SIPA1L3: variants seen among roughly 807,000 people sequenced by gnomAD.
SIPA1L3 encodes the protein signal-induced proliferation-associated 1-like protein 3.
A neutral mutation model predicts 150.1 loss-of-function variants in SIPA1L3; 59 were observed. That is an observed-to-expected ratio of 0.39 (90% confidence interval 0.32 to 0.49). SIPA1L3 has a LOEUF of 0.49. Among genes scored for constraint, SIPA1L3 ranks in the 20% least tolerant of loss-of-function variants. The probability of loss-of-function intolerance (pLI) is 0.86; values close to 1 mark genes in which losing one functional copy is unlikely to be tolerated. For missense variants in SIPA1L3, 2,211 were observed against 2,489.5 expected (o/e 0.89, Z 2.38); for synonymous variants, 1,070 against 1,077.6 (o/e 0.99, Z 0.14).
rs544114605 is a variant in SIPA1L3 at position 38,085,565 on chromosome 19, A to T, written c.1534+2466A>T. Among the ~76,000 whole-genome samples, 9 of 152,260 alleles carry T rather than the reference A, an allele frequency of 5.9e-5. No homozygotes were observed. The South Asian group carries it at 1.9e-3, about 32-fold the overall frequency. On this transcript the variant is annotated intron_variant, in intron 3 of 21. Coordinates refer to ENST00000222345, the MANE Select transcript of SIPA1L3 (RefSeq NM_015073.3). ...GCAATGTCAGTATCACATGAAATAGATGTAAAGGTTGAAAGCACCTTTTAG... is the reference window on the plus strand; with the variant it reads ...GCAATGTCAGTATCACATGAAATAGTTGTAAAGGTTGAAAGCACCTTTTAG...
At chr19:38,095,222 A>G (rs1310613642) in intron 4 of SIPA1L3, among the ~76,000 whole-genome samples, 3 of 152,224 alleles carry the variant, frequency 2.0e-5, no homozygotes, top group Non-Finnish European at 2.9e-5. Flanking sequence ...ATACAGCACT[A>G]AGCATTATGC....
At position 38,137,289 on chromosome 19, in the gene SIPA1L3, A is replaced by G. The variant is rs371888319; in HGVS notation, c.3144-3895A>G. On this transcript the variant is annotated intron_variant, in intron 10 of 21. Transcript: ENST00000222345. ...CTGCAACCTCCGCTTCCCAGGTTCA[A>G]GCGATCCTCCTGCCTCAACCCCCCT... Among the ~76,000 whole-genome samples, 6 of 152,154 alleles carry G rather than the reference A, an allele frequency of 3.9e-5. No homozygotes were observed. In the South Asian group the frequency reaches 8.3e-4, roughly 21 times the overall value.
chr19:38,155,691 C>A (rs917113800), intron 13 of SIPA1L3, among the ~76,000 whole-genome samples: 1 of 152,122 alleles, frequency 6.6e-6, no homozygotes, highest in Non-Finnish European at 1.5e-5. Context: ...GGAGAGCTGA[C>A]CCCATCAGCA....
chr19:38,183,211 G>A (rs1399975253), intron 16 of SIPA1L3, among the ~76,000 whole-genome samples: 2 of 152,146 alleles, frequency 1.3e-5, no homozygotes, highest in African/African-American at 4.8e-5. Context: ...TGACTGAGAT[G>A]GAGCCACGGG....
At chr19:37,984,306 C>G (rs559810140) in intron 1 of SIPA1L3, among the ~76,000 whole-genome samples, 1 of 151,828 alleles carries the variant, frequency 6.6e-6, no homozygotes, top group Non-Finnish European at 1.5e-5. Flanking sequence ...AGTAACAAAA[C>G]GGGTGGAGTG....
chr19:38,149,035 G>A (rs972283135), intron 12 of SIPA1L3, among the ~76,000 whole-genome samples: 3 of 152,160 alleles, frequency 2.0e-5, no homozygotes, highest in Non-Finnish European at 2.9e-5. Flanking sequence ...TCTCAAATGG[G>A]ATATATTCAG....
At chr19:38,018,014 A>T (rs1968277615) in intron 1 of SIPA1L3, among the ~76,000 whole-genome samples, 1 of 151,664 alleles carries the variant, frequency 6.6e-6, no homozygotes. Flanking sequence ...TGCTGCAGCC[A>T]TCCAGCCACA....
At chr19:37,941,741 C>A (rs940383748) in intron 1 of SIPA1L3, among the ~76,000 whole-genome samples, 1 of 152,180 alleles carries the variant, frequency 6.6e-6, no homozygotes, top group African/African-American at 2.4e-5. Flanking sequence ...TTGGTGAGTT[C>A]CTGCTCTACG....
At chr19:37,976,836 A>G (rs1459055367) in intron 1 of SIPA1L3, among the ~76,000 whole-genome samples, 1 of 152,040 alleles carries the variant, frequency 6.6e-6, no homozygotes, top group Non-Finnish European at 1.5e-5. Context: ...GGTTATTACT[A>G]TTAGTATTAT....
rs8105919 is a variant in SIPA1L3, at chr19:38,171,317, A to G, written c.4208+6411A>G. On this transcript the variant is annotated intron_variant, in intron 15 of 21. Transcript: ENST00000222345. ...CACTTTGGGAGGCCAAGGCAGGAGC[A>G]TCACTTGAGGCCAGGAGTTTGAGAC... Among the ~76,000 whole-genome samples the G allele has an allele frequency of 7.3e-3, 1,099 of 151,188 alleles. 11 individuals are homozygous for G. The highest frequency in any genetic ancestry group is 0.026 in the African/African-American group (1,056 of 41,196).
In SIPA1L3 at chr19:38,081,797, G is replaced by A. The variant is rs1182812463; in HGVS notation, c.232G>A (p.Gly78Ser). The change falls in exon 3 of 22, where the codon GGC (glycine) becomes AGC (serine). Residue 78 changes from glycine (G) to serine (S), a missense_variant. By Grantham distance (56) the Gly-to-Ser change is moderately conservative. Transcript: ENST00000222345. ...CACCACTCCCGCAATGCCCAAGATG[G>A]GCGTGCGCGCAAGGGTGGCCGACTG... Reference protein sequence around the residue: ...SPTTPAMPKMGVRARVADWPP... With the variant: ...SPTTPAMPKMSVRARVADWPP... 6.2e-7 allele frequency: 1 copy of A among 1,612,754 alleles called. No individual in the cohort carries two copies. The highest frequency in any genetic ancestry group is 2.2e-5 in the East Asian group (1 of 44,862).
intron 1 of SIPA1L3, among the ~76,000 whole-genome samples, chr19:37,968,359 A>C (rs1048609091): frequency 6.6e-6 from 1 of 152,174 alleles, no homozygotes; most frequent in Non-Finnish European, 1.5e-5. Context: ...GGCATGAGCC[A>C]CCGCGCCCGG....
chr19:37,973,909 G>T (rs375410740), intron 1 of SIPA1L3, among the ~76,000 whole-genome samples: 1 of 152,026 alleles, frequency 6.6e-6, no homozygotes, highest in Non-Finnish European at 1.5e-5. Flanking sequence ...CTCCACCCTC[G>T]ATCACCCAAG....
At chr19:38,097,945 G>A (rs1465834307) in intron 4 of SIPA1L3, among the ~76,000 whole-genome samples, 1 of 152,194 alleles carries the variant, frequency 6.6e-6, no homozygotes, top group African/African-American at 2.4e-5. Context: ...GGAGAAGTCA[G>A]GACTGGGTTG....
chr19:38,141,526 C>A, intron 11 of SIPA1L3, 91 bp downstream of exon 11: 4 of 1,345,126 alleles, frequency 3.0e-6, no homozygotes, highest in Non-Finnish European at 4.1e-6. Context: ...TTTCCTCCAT[C>A]CTCTTCCTCG....
intron 15 of SIPA1L3, among the ~76,000 whole-genome samples, chr19:38,173,957 A>G (rs960940311): frequency 7.1e-6 from 1 of 140,036 alleles, no homozygotes; most frequent in African/African-American, 2.6e-5. Flanking sequence ...GGGGGCAGAG[A>G]AGAGAGGGGG....
intron 1 of SIPA1L3, among the ~76,000 whole-genome samples, chr19:38,013,187 C>T (rs1968146966): frequency 6.6e-6 from 1 of 152,174 alleles, no homozygotes; most frequent in Non-Finnish European, 1.5e-5. Flanking sequence ...TCCAAATTAG[C>T]ATCTCTGAGA....
chr19:38,043,370 GAGAA>G (rs1359959334), intron 2 of SIPA1L3, among the ~76,000 whole-genome samples: 1 of 152,076 alleles, frequency 6.6e-6, no homozygotes, highest in East Asian at 1.9e-4. Flanking sequence ...TGGAAAGAAA[GAGAA>G]AGAAAGAAAT....
Position 38,031,624 on chromosome 19 carries a change from G to A in SIPA1L3, c.-311+2468G>A, listed in dbSNP as rs76318790. On this transcript the variant is annotated intron_variant, in intron 2 of 21. Transcript: ENST00000222345. Reference sequence around the variant, plus strand: ...TGTGACATCAATGCATCATATTTCCGGTAATGTTCACCTAGATCACTTGGT... The same window carrying A: ...TGTGACATCAATGCATCATATTTCCAGTAATGTTCACCTAGATCACTTGGT... Among the ~76,000 whole-genome samples the A allele has an allele frequency of 2.0e-3, 298 of 152,234 alleles. 1 individual carries two copies. The highest frequency in any genetic ancestry group is 6.7e-3 in the African/African-American group (279 of 41,538).
Sources: allele counts gnomAD v4.1 joint callset (sites outside exome capture counted in the v4.1 genomes callset), GRCh38; gene constraint gnomAD v4.1.1; transcripts MANE v1.5; gene names NCBI Gene and HGNC (gene_info 2026-07-23, HGNC 2026-07-21).